The following ZCCHC4 variants were observed in gnomAD, a reference collection of about 807,000 sequenced individuals.
ZCCHC4 encodes rRNA N(6)-adenosine-methyltransferase ZCCHC4.
Under a neutral mutation model 67.7 loss-of-function variants are expected in ZCCHC4, and 54 were observed. The ratio of observed to expected loss-of-function variants is 0.80; its 90% CI spans 0.64 to 1.00. ZCCHC4 has a LOEUF of 1.00. Ranked by LOEUF, ZCCHC4 falls within the 50% of genes least tolerant of loss-of-function variation. The pLI, the probability that ZCCHC4 is intolerant of heterozygous loss-of-function variation, is 0.00. For missense variants in ZCCHC4, 609 were observed against 617.0 expected (o/e 0.99, Z 0.14); for synonymous variants, 198 against 213.5 (o/e 0.93, Z 0.63).
At chr4:25,364,835 G>T (rs71610853) in intron 11 of ZCCHC4, among the ~76,000 whole-genome samples, 187 bp from the exon 12 acceptor site, 2,768 of 152,278 alleles carry the variant, frequency 0.018, 45 homozygotes, top group Non-Finnish European at 0.024. Flanking sequence ...GTAACAGAAA[G>T]AAGTTAGCTA....
intron 8 of ZCCHC4, among the ~76,000 whole-genome samples, chr4:25,356,855 A>G (rs56230229): frequency 0.19 from 28,145 of 152,032 alleles, 3,177 homozygotes; most frequent in African/African-American, 0.31. Flanking sequence ...AGTAAAATCT[A>G]TTTTTGTATG....
Position 25,365,183 on chromosome 4 carries a change from A to G in ZCCHC4, c.1406+17A>G, listed in dbSNP as rs1350208510. 2.5e-6 allele frequency: 4 copies of G among 1,612,992 alleles called. No individual in the cohort carries two copies. Among genetic ancestry groups the G allele is most frequent in the Non-Finnish European group, 3.4e-6 (4 of 1,179,444 alleles). ...AGCTAACAAGTCAGTCGAATACTTT[A>G]CTAGAAAAATGTATTCCATCTGTGT... On this transcript the variant is annotated intron_variant, in intron 12 of 12. Coordinates refer to ENST00000302874, the MANE Select transcript of ZCCHC4 (RefSeq NM_024936.3).
At chr4:25,313,043 C>A in intron 1 of ZCCHC4, 107 bp downstream of exon 1, 1 of 1,472,410 alleles carries the variant, frequency 6.8e-7, no homozygotes, top group Admixed American at 2.1e-5. Context: ...TTTCCCTCAC[C>A]AGTGTGCTGC....
intron 6 of ZCCHC4, among the ~76,000 whole-genome samples, chr4:25,349,107 C>T (rs1577344072): frequency 8.5e-5 from 13 of 152,096 alleles, no homozygotes; most frequent in Admixed American, 8.5e-4. Context: ...TTTTCTTCGT[C>T]TTTGTGTGCC....
chr4:25,316,462 G>T (rs1368295886), intron 3 of ZCCHC4, among the ~76,000 whole-genome samples: 1 of 152,090 alleles, frequency 6.6e-6, no homozygotes, highest in Non-Finnish European at 1.5e-5. Context: ...CAATTTCTCC[G>T]CATCCTTGCC....
Position 25,365,044 on chromosome 4 carries a change from C to T in ZCCHC4, c.1284C>T (p.Cys428=), listed in dbSNP as rs927109763. ...CAGCCTGGATCCACTGTAGCATCTG[C>T]AATCACTGTGCTGTTCCAGATCATT... ...VKPSWIHCSI[C]NHCAVPDHSC... is the part of the protein sequence containing the mutation. Residue 428 remains cysteine, a synonymous_variant, in exon 12 of 13, where the codon TGC becomes TGT. Transcript: ENST00000302874. The T allele has an allele frequency of 1.1e-5, 18 of 1,614,014 alleles. No individual in the cohort carries two copies. Among genetic ancestry groups the T allele is most frequent in the Non-Finnish European group, 1.5e-5 (18 of 1,180,002 alleles).
At chr4:25,341,177 A>T (rs1356955507) in intron 5 of ZCCHC4, among the ~76,000 whole-genome samples, 1 of 152,156 alleles carries the variant, frequency 6.6e-6, no homozygotes, top group African/African-American at 2.4e-5. Flanking sequence ...ACATACACAA[A>T]ATATGTGTTA....
At chr4:25,324,725 C>A (rs572616745) in intron 3 of ZCCHC4, among the ~76,000 whole-genome samples, 2 of 152,312 alleles carry the variant, frequency 1.3e-5, no homozygotes, top group Middle Eastern at 3.4e-3. Flanking sequence ...TTGTTATTAT[C>A]TGTCCTTTTA....
rs1046255034 is a variant in ZCCHC4 at position 25,359,872 on chromosome 4, C to G, written c.1012-1987C>G. ...AGGGAACTGGCCGAGGTTTCCCTCC[C>G]GAGGAGGCCACATGTGAAATTAGCA... On this transcript the variant is annotated intron_variant, in intron 8 of 12. Transcript: ENST00000302874. This position sits in a 1 kb window ranked among gnomAD's most constrained non-coding sequence, Gnocchi z 4.9. 6.6e-6 allele frequency among the ~76,000 whole-genome samples: 1 copy of G among 152,176 alleles called. No homozygotes were observed.
intron 3 of ZCCHC4, among the ~76,000 whole-genome samples, chr4:25,332,437 T>G (rs1055942641): frequency 1.3e-5 from 2 of 152,232 alleles, no homozygotes; most frequent in Non-Finnish European, 2.9e-5. Context: ...TTCTTTTGTT[T>G]TCTTACTGAT....
chr4:25,360,887 G>C lies in ZCCHC4; in HGVS notation c.1012-972G>C, dbSNP rs535557141. Reference sequence around the variant, plus strand: ...GTCCAACCTAGTACTGATACCATATGGTTTGAAACTGGGCATGGGCAAAGT... The same window carrying C: ...GTCCAACCTAGTACTGATACCATATCGTTTGAAACTGGGCATGGGCAAAGT... On this transcript the variant is annotated intron_variant, in intron 8 of 12. Coordinates refer to ENST00000302874, the MANE Select transcript of ZCCHC4 (RefSeq NM_024936.3). Among the ~76,000 whole-genome samples the C allele has an allele frequency of 6.0e-4, 91 of 152,334 alleles. 2 individuals are homozygous for C. In the South Asian group the frequency reaches 0.016, roughly 27 times the overall value.
chr4:25,346,237 T>C (rs942658006), intron 6 of ZCCHC4, among the ~76,000 whole-genome samples: 5 of 135,514 alleles, frequency 3.7e-5, no homozygotes, highest in African/African-American at 1.7e-4. Context: ...ATAAAAGTTC[T>C]TTAAAAAAAA....
chr4:25,330,365 T>A (rs376613043), intron 3 of ZCCHC4, among the ~76,000 whole-genome samples: 12 of 152,332 alleles, frequency 7.9e-5, no homozygotes, highest in Admixed American at 2.0e-4. Flanking sequence ...TATTGGATAC[T>A]AGTAGTATGG....
At chr4:25,322,247 G>A (rs1474622513) in intron 3 of ZCCHC4, among the ~76,000 whole-genome samples, 1 of 152,032 alleles carries the variant, frequency 6.6e-6, no homozygotes, top group African/African-American at 2.4e-5. Flanking sequence ...ATGGCTCACT[G>A]TACAAAGATG....
chr4:25,317,978 C>T (rs1053642279), intron 3 of ZCCHC4, among the ~76,000 whole-genome samples: 3 of 152,032 alleles, frequency 2.0e-5, no homozygotes, highest in Non-Finnish European at 2.9e-5. Flanking sequence ...TTTGAGGATA[C>T]ATGAGGAGAG....
At chr4:25,363,399 T>C (rs932079519) in intron 10 of ZCCHC4, among the ~76,000 whole-genome samples, 1 of 152,220 alleles carries the variant, frequency 6.6e-6, no homozygotes, top group African/African-American at 2.4e-5. Context: ...CCACAACTTG[T>C]TTACTCATTC....
chr4:25,352,146 T>C, intron 8 of ZCCHC4: 1 of 985,864 alleles, frequency 1.0e-6, no homozygotes, highest in East Asian at 1.1e-4. Context: ...ACTCTTGGGA[T>C]GTCAGGAGTG....
chr4:25,319,703 G>T (rs1229471172), intron 3 of ZCCHC4, among the ~76,000 whole-genome samples: 2 of 151,920 alleles, frequency 1.3e-5, no homozygotes, highest in African/African-American at 4.8e-5. Context: ...TATTCTCTTT[G>T]TCTGTCTTCA....
At chr4:25,321,371 T>TTTTG (rs942245586) in intron 3 of ZCCHC4, among the ~76,000 whole-genome samples, 1 of 152,016 alleles carries the variant, frequency 6.6e-6, no homozygotes, top group South Asian at 2.1e-4. Context: ...TCCTGGCTAA[T>TTTTG]TTTGTTTGTT....
Sources: allele counts gnomAD v4.1 joint callset (sites outside exome capture counted in the v4.1 genomes callset), GRCh38; gene constraint gnomAD v4.1.1; non-coding constraint Gnocchi (gnomAD v3.1); transcripts MANE v1.5; gene names NCBI Gene and HGNC (gene_info 2026-07-23, HGNC 2026-07-21).